The following ATRN variants were observed in gnomAD, a reference collection of about 807,000 sequenced individuals.
The protein encoded by ATRN is attractin.
A neutral mutation model predicts 178.7 loss-of-function variants in ATRN; 54 were observed. That is an observed-to-expected ratio of 0.30 (90% CI 0.24 to 0.38). The LOEUF is 0.38. Among genes scored for constraint, ATRN ranks in the 10% least tolerant of loss-of-function variants. ATRN has a pLI of 1.00. For missense variants in ATRN, 1,443 were observed against 1,815.1 expected, an observed-to-expected ratio of 0.79 and a Z score of 3.73; for synonymous variants, 636 against 663.0, an observed-to-expected ratio of 0.96 and a Z score of 0.63.
At chr20:3,610,742 CTT>C (rs71195847) in intron 24 of ATRN, among the ~76,000 whole-genome samples, 4 of 65,272 alleles carry the variant, frequency 6.1e-5, no homozygotes, top group Non-Finnish European at 8.4e-5. Flanking sequence ...CTGGCTAATT[CTT>C]TTTTTTTTTT....
chr20:3,519,497 C>G (rs1047902235), intron 1 of ATRN, among the ~76,000 whole-genome samples: 1 of 151,920 alleles, frequency 6.6e-6, no homozygotes, highest in Non-Finnish European at 1.5e-5. Flanking sequence ...TTTTGGAGAG[C>G]AAATGTATAA....
At chr20:3,539,186 G>A (rs1312874891) in intron 2 of ATRN, among the ~76,000 whole-genome samples, 1 of 152,198 alleles carries the variant, frequency 6.6e-6, no homozygotes, top group African/African-American at 2.4e-5. Flanking sequence ...GGCATCAGCA[G>A]GATATAATGA....
chr20:3,556,493 T>C (rs2085878795), intron 6 of ATRN, among the ~76,000 whole-genome samples: 2 of 152,306 alleles, frequency 1.3e-5, no homozygotes, highest in South Asian at 4.2e-4. Flanking sequence ...TACCAGGCCA[T>C]TATGGAGTTT....
rs150215178 is a variant in ATRN, at chr20:3,584,080, C to T, written c.2947C>T (p.Pro983Ser). 1.2e-6 allele frequency: 2 copies of T among 1,613,234 alleles called. No homozygotes were observed. Among genetic ancestry groups the T allele is most frequent in the Non-Finnish European group, 1.7e-6 (2 of 1,179,452 alleles). ...GGAATGGTATACGATGAGCACCTGC[C>T]CCCGTAAGTGAAAAAGGGAGCCCTA... ...CMEWYTMSTC[P>S]PENCSGYCTC... The change falls in exon 17 of 29, where the codon CCC becomes TCC. Residue 983 changes from proline to serine, a missense_variant. Around this residue, in one of 4 missense-constraint regions of ATRN, gnomAD observed 212 missense variants for 330.7 expected, o/e 0.64. Coordinates refer to ENST00000262919, the MANE Select transcript of ATRN (RefSeq NM_139321.3).
chr20:3,483,941 C>A (rs1056069866), intron 1 of ATRN, among the ~76,000 whole-genome samples: 1 of 151,938 alleles, frequency 6.6e-6, no homozygotes, highest in African/African-American at 2.4e-5. Context: ...AGTTTAATAA[C>A]CTTTCTCATT....
At chr20:3,614,609 G>C (rs1266414851) in intron 24 of ATRN, among the ~76,000 whole-genome samples, 1 of 152,164 alleles carries the variant, frequency 6.6e-6, no homozygotes, top group Non-Finnish European at 1.5e-5. Context: ...TGTTCACTTG[G>C]ATGTGCTTTT....
intron 1 of ATRN, among the ~76,000 whole-genome samples, chr20:3,508,141 G>A (rs1312809573): frequency 6.6e-6 from 1 of 151,722 alleles, no homozygotes; most frequent in Non-Finnish European, 1.5e-5. Flanking sequence ...TTGAGCCCAG[G>A]AGTTTTGAGA....
At chr20:3,625,723 C>A (rs2086932913) in intron 25 of ATRN, among the ~76,000 whole-genome samples, 2 of 152,078 alleles carry the variant, frequency 1.3e-5, no homozygotes, top group South Asian at 4.2e-4. Context: ...TGCACTTGTT[C>A]CTGAGGCCTG....
At chr20:3,545,143 G>C (rs565959995) in intron 3 of ATRN, among the ~76,000 whole-genome samples, 1 of 151,854 alleles carries the variant, frequency 6.6e-6, no homozygotes, top group Non-Finnish European at 1.5e-5. Context: ...GAGGTGGGTG[G>C]ATCACCTGAG....
chr20:3,584,757 T>C lies in ATRN; in HGVS notation c.3061T>C (p.Tyr1021His), dbSNP rs1330301132. 3.1e-6 allele frequency: 5 copies of C among 1,614,168 alleles called. No homozygotes were observed. In the South Asian group the frequency reaches 4.4e-5, roughly 14 times the overall value. The change falls in exon 18 of 29, where the codon TAT (tyrosine) becomes CAT (histidine). Residue 1021 changes from tyrosine to histidine, a missense_variant. By Grantham distance (83) the Tyr-to-His change is moderately conservative. Coordinates refer to ENST00000262919, the MANE Select transcript of ATRN (RefSeq NM_139321.3). Reference sequence around the variant, plus strand: ...CAAAGGGAAATGCATAGAGGGTTCCTATAAAGGACCAGTGAAGATGCCTTC... The same window carrying C: ...CAAAGGGAAATGCATAGAGGGTTCCCATAAAGGACCAGTGAAGATGCCTTC... Reference protein sequence around the residue: ...TGKGKCIEGSYKGPVKMPSQA... With the variant: ...TGKGKCIEGSHKGPVKMPSQA...
chr20:3,577,799 C>T (rs1339269110), intron 14 of ATRN, among the ~76,000 whole-genome samples: 2 of 152,050 alleles, frequency 1.3e-5, no homozygotes, highest in African/African-American at 2.4e-5. Context: ...TTTATCTAGT[C>T]GACTGCTACA....
chr20:3,608,924 G>A (rs1034782988), intron 24 of ATRN, among the ~76,000 whole-genome samples: 2 of 144,924 alleles, frequency 1.4e-5, no homozygotes, highest in African/African-American at 2.6e-5. Flanking sequence ...CCAAGATTAC[G>A]CCACTACATT....
At chr20:3,569,796 G>A (rs146383138) in intron 11 of ATRN, among the ~76,000 whole-genome samples, 40 of 152,224 alleles carry the variant, frequency 2.6e-4, no homozygotes, top group African/African-American at 9.1e-4. Flanking sequence ...TTAAGCCAGG[G>A]GTGGTGGCTC....
intron 27 of ATRN, among the ~76,000 whole-genome samples, chr20:3,641,612 AAAAG>A (rs1476489517): frequency 1.3e-4 from 20 of 151,222 alleles, no homozygotes; most frequent in Non-Finnish European, 1.9e-4. Flanking sequence ...AAAAAAAAAA[AAAAG>A]GGAAAAGATC....
At chr20:3,560,095 G>A (rs1485688090) in intron 7 of ATRN, among the ~76,000 whole-genome samples, 1 of 151,796 alleles carries the variant, frequency 6.6e-6, no homozygotes, top group Non-Finnish European at 1.5e-5. Flanking sequence ...ATTTTTAAGT[G>A]TACAGTTTGG....
At chr20:3,576,091 C>T in intron 13 of ATRN, 143 bp downstream of exon 13, 1 of 1,024,858 alleles carries the variant, frequency 9.8e-7, no homozygotes, top group Non-Finnish European at 1.3e-6. Flanking sequence ...TGAGGTTTTC[C>T]TTTAGGAAGA....
intron 23 of ATRN, among the ~76,000 whole-genome samples, chr20:3,601,303 A>G (rs1000358520): frequency 6.6e-6 from 1 of 152,180 alleles, no homozygotes; most frequent in African/African-American, 2.4e-5. Flanking sequence ...TGTCAGGCTC[A>G]GTGTGTGGTT....
intron 3 of ATRN, 40 bp from the exon 4 acceptor site, chr20:3,545,721 TG>T: frequency 6.2e-7 from 1 of 1,605,802 alleles, no homozygotes; most frequent in Non-Finnish European, 8.5e-7. Context: ...GACATGTCTG[TG>T]CTTGTGCTTC....
chr20:3,497,812 A>G (rs1320259277), intron 1 of ATRN, among the ~76,000 whole-genome samples: 2 of 152,156 alleles, frequency 1.3e-5, no homozygotes, highest in Admixed American at 6.6e-5. Flanking sequence ...TCAGACGTAG[A>G]CTTGGTCTTT....
Sources: allele counts gnomAD v4.1 joint callset (sites outside exome capture counted in the v4.1 genomes callset), GRCh38; gene constraint gnomAD v4.1.1; regional missense constraint gnomAD v4.1.1; transcripts MANE v1.5; gene names NCBI Gene and HGNC (gene_info 2026-07-23, HGNC 2026-07-21).